EGFR: variants seen among roughly 807,000 people sequenced by gnomAD.
EGFR encodes the protein avian erythroblastic leukemia viral (v-erb-b) oncogene homolog.
EGFR carries 58 observed loss-of-function variants against 143.0 expected under a neutral mutation model. That is an observed-to-expected ratio of 0.41 (90% CI 0.33 to 0.50). The LOEUF is 0.50. Among genes scored for constraint, EGFR ranks in the 20% least tolerant of loss-of-function variants. EGFR has a pLI of 0.39. For missense variants in EGFR, 1,307 were observed against 1,579.0 expected (o/e 0.83, Z 2.92); for synonymous variants, 613 against 594.4 (o/e 1.03, Z -0.45).
chr7:55,082,471 G>A (rs1790518744), intron 1 of EGFR, among the ~76,000 whole-genome samples: 1 of 152,124 alleles, frequency 6.6e-6, no homozygotes. Flanking sequence ...CTCAGTGGGT[G>A]GCATCCAAGG....
At chr7:55,163,645 A>G in intron 13 of EGFR, 88 bp from the exon 14 acceptor site, 1 of 1,146,754 alleles carries the variant, frequency 8.7e-7, no homozygotes, top group Non-Finnish European at 1.3e-6. Flanking sequence ...CCATTACCTC[A>G]AGTTATTTGG....
intron 1 of EGFR, among the ~76,000 whole-genome samples, chr7:55,094,612 A>G (rs917881): frequency 0.85 from 130,014 of 152,262 alleles, 55,806 homozygotes; most frequent in East Asian, 1. Flanking sequence ...TTACGACAAG[A>G]CAGTCCAGCA....
rs1788152066 is a variant in EGFR at position 55,208,016 on chromosome 7, T to A, written c.*2399T>A. 6.6e-6 allele frequency: 1 copy of A among 152,190 alleles called. No individual in the cohort carries two copies. Among genetic ancestry groups the A allele is most frequent in the African/African-American group, 2.4e-5 (1 of 41,438 alleles). 9.4% of individuals were successfully genotyped at this position (152,190 alleles called of 1,614,324 possible). On this transcript the variant is annotated 3_prime_UTR_variant, in exon 28 of 28. Transcript: ENST00000275493. ...GCAGGTCAGTTGTAAGTGAGTCACA[T>A]TGTAGCATTAAATTCTAGTATTTTT...
chr7:55,109,653 C>T (rs1406402360), intron 1 of EGFR: 1 of 815,890 alleles, frequency 1.2e-6, no homozygotes, highest in Admixed American at 6.2e-5. Context: ...AGGCTTAATT[C>T]CAAATTTGCT....
At chr7:55,202,916 G>T (rs943056506) in intron 27 of EGFR, 24 of 636,686 alleles carry the variant, frequency 3.8e-5, no homozygotes, top group Non-Finnish European at 6.6e-5. Flanking sequence ...GTGTGTGAGT[G>T]TTCATGATGT....
intron 5 of EGFR, 88 bp from the exon 6 acceptor site, chr7:55,152,458 G>A: frequency 8.1e-7 from 1 of 1,231,926 alleles, no homozygotes; most frequent in Admixed American, 1.7e-5. Context: ...ACTTTTTCAT[G>A]AAAAAGTCTG....
intron 1 of EGFR, among the ~76,000 whole-genome samples, chr7:55,099,602 A>T (rs1360235587): frequency 6.6e-6 from 1 of 152,212 alleles, no homozygotes; most frequent in Admixed American, 6.5e-5. Context: ...CGAGGGGTTC[A>T]CCACCAGAGC....
At chr7:55,203,837 A>G (rs1022430322) in intron 27 of EGFR, among the ~76,000 whole-genome samples, 12 of 151,786 alleles carry the variant, frequency 7.9e-5, no homozygotes, top group African/African-American at 2.9e-4. Context: ...TATATAAAAC[A>G]TATGTTATAT....
At chr7:55,021,137 G>A (rs1232568716) in intron 1 of EGFR, among the ~76,000 whole-genome samples, 2 of 152,184 alleles carry the variant, frequency 1.3e-5, no homozygotes, top group African/African-American at 4.8e-5. Flanking sequence ...ATAGGAAAGA[G>A]GGAAAAGGTA....
chr7:55,088,707 A>G (rs1790917500), intron 1 of EGFR, among the ~76,000 whole-genome samples: 1 of 152,154 alleles, frequency 6.6e-6, no homozygotes, highest in African/African-American at 2.4e-5. Flanking sequence ...GTGTCAACCC[A>G]TGGCTGTAAT....
intron 20 of EGFR, chr7:55,189,020 A>G (rs1223149982): frequency 6.6e-6 from 1 of 152,100 alleles, no homozygotes; most frequent in Non-Finnish European, 1.5e-5. Flanking sequence ...GATTTGTTAG[A>G]TTGACAGAGT....
intron 3 of EGFR, among the ~76,000 whole-genome samples, chr7:55,145,645 C>T (rs927305149): frequency 3.9e-5 from 6 of 152,200 alleles, no homozygotes; most frequent in Non-Finnish European, 8.8e-5. Flanking sequence ...ATGCCCATTC[C>T]CTGCCTGGGG....
intron 1 of EGFR, among the ~76,000 whole-genome samples, chr7:55,140,397 C>T (rs948917364): frequency 6.6e-6 from 1 of 152,094 alleles, no homozygotes; most frequent in Non-Finnish European, 1.5e-5. Context: ...CTTGCGGCTA[C>T]CTGGACGACA....
At chr7:55,040,662 G>GT (rs1787847739) in intron 1 of EGFR, among the ~76,000 whole-genome samples, 1 of 152,140 alleles carries the variant, frequency 6.6e-6, no homozygotes, top group African/African-American at 2.4e-5. Flanking sequence ...TTATAAACAT[G>GT]TTTTTTGAAC....
intron 1 of EGFR, among the ~76,000 whole-genome samples, chr7:55,061,331 A>C (rs1789153223): frequency 3.3e-5 from 5 of 152,166 alleles, no homozygotes. Context: ...CAATTGTCCA[A>C]ATGTGGGTAG....
At chr7:55,119,076 T>C (rs1008374469) in intron 1 of EGFR, 8 of 152,214 alleles carry the variant, frequency 5.3e-5, no homozygotes, top group African/African-American at 1.2e-4. Flanking sequence ...ATTCAATTTA[T>C]CCTGGCAAGA....
chr7:55,024,054 CT>C, intron 1 of EGFR, among the ~76,000 whole-genome samples: 1 of 152,292 alleles, frequency 6.6e-6, no homozygotes, highest in Non-Finnish European at 1.5e-5. Context: ...GTAATTTTCA[CT>C]TTTTCAGAGT....
At chr7:55,157,840 G>A in intron 11 of EGFR, 87 bp downstream of exon 11, 2 of 1,313,028 alleles carry the variant, frequency 1.5e-6, no homozygotes, top group Non-Finnish European at 2.2e-6. Context: ...CTAAGATAGG[G>A]CACAGAGCTC....
At chr7:55,119,283 G>A (rs1304023071) in intron 1 of EGFR, 1 of 152,184 alleles carries the variant, frequency 6.6e-6, no homozygotes, top group Admixed American at 6.5e-5. Flanking sequence ...GTAACAGAGA[G>A]AGATTACAGC....
Sources: allele counts gnomAD v4.1 joint callset (sites outside exome capture counted in the v4.1 genomes callset), GRCh38; gene constraint gnomAD v4.1.1; transcripts MANE v1.5; gene names NCBI Gene and HGNC (gene_info 2026-07-23, HGNC 2026-07-21).